PEX7: variants seen among roughly 807,000 people sequenced by gnomAD.
PEX7 encodes the protein PTS2 receptor.
PEX7 carries 34 observed loss-of-function variants against 47.5 expected under a neutral mutation model. The ratio of observed to expected loss-of-function variants is 0.72; its 90% CI spans 0.54 to 0.95. PEX7 has a LOEUF of 0.95. Ranked by LOEUF, PEX7 falls within the 40% of genes least tolerant of loss-of-function variation. The pLI is 0.00. For synonymous variants in PEX7, 141 were observed against 148.8 expected, an observed-to-expected ratio of 0.95 and a Z score of 0.38; for missense variants, 394 against 400.3, an observed-to-expected ratio of 0.98 and a Z score of 0.13.
chr6:136,860,970 A>G (rs1237004864), intron 5 of PEX7, among the ~76,000 whole-genome samples: 2 of 152,112 alleles, frequency 1.3e-5, no homozygotes, highest in Non-Finnish European at 2.9e-5. Flanking sequence ...TACCTTTGTT[A>G]CTGGTTTTTT....
chr6:136,839,040 G>C (rs1439518361), intron 3 of PEX7, among the ~76,000 whole-genome samples: 1 of 151,996 alleles, frequency 6.6e-6, no homozygotes, highest in Non-Finnish European at 1.5e-5. Flanking sequence ...AAATTAGCTG[G>C]TGTTGTGGTG....
intron 5 of PEX7, 86 bp downstream of exon 5, chr6:136,846,267 C>A: frequency 3.0e-6 from 2 of 670,074 alleles, no homozygotes; most frequent in South Asian, 4.0e-5. Context: ...TGTACCTTAG[C>A]TTCAGAGAGA....
At chr6:136,894,375 A>G (rs1775608280) in intron 8 of PEX7, among the ~76,000 whole-genome samples, 1 of 152,154 alleles carries the variant, frequency 6.6e-6, no homozygotes, top group East Asian at 1.9e-4. Context: ...GCAGATCACG[A>G]GGTCAGGAGT....
intron 5 of PEX7, among the ~76,000 whole-genome samples, chr6:136,856,291 T>TAAAAAA (rs397759780): frequency 1.4e-5 from 1 of 70,588 alleles, no homozygotes; most frequent in African/African-American, 4.7e-5. Flanking sequence ...TGGTTGAAAG[T>TAAAAAA]AAAAAAAAAA....
At chr6:136,856,637 G>T (rs1286101330) in intron 5 of PEX7, among the ~76,000 whole-genome samples, 1 of 152,228 alleles carries the variant, frequency 6.6e-6, no homozygotes, top group Non-Finnish European at 1.5e-5. Flanking sequence ...GGGTGAGGGG[G>T]ATACAATATT....
chr6:136,885,221 A>G (rs968554801), intron 8 of PEX7, among the ~76,000 whole-genome samples: 2 of 152,224 alleles, frequency 1.3e-5, no homozygotes, highest in Non-Finnish European at 2.9e-5. Context: ...AAATTCTCAG[A>G]TATCTGAAGA....
chr6:136,886,118 T>A (rs1775464172), intron 8 of PEX7, among the ~76,000 whole-genome samples: 1 of 152,206 alleles, frequency 6.6e-6, no homozygotes, highest in African/African-American at 2.4e-5. Flanking sequence ...AGTGAGGTAA[T>A]TTTATTTTAC....
intron 5 of PEX7, among the ~76,000 whole-genome samples, chr6:136,854,526 C>T (rs1774824318): frequency 1.3e-5 from 2 of 152,056 alleles, no homozygotes; most frequent in Admixed American, 6.6e-5. Context: ...GAGTTTTGTG[C>T]TTATAGTGAA....
intron 5 of PEX7, among the ~76,000 whole-genome samples, chr6:136,863,594 T>A (rs893700231): frequency 7.9e-5 from 12 of 151,944 alleles, no homozygotes; most frequent in Admixed American, 1.3e-4. Context: ...ATAATAGAAA[T>A]TTTTCTCCGA....
intron 8 of PEX7, among the ~76,000 whole-genome samples, chr6:136,887,806 T>C (rs1054053090): frequency 2.6e-5 from 4 of 152,246 alleles, no homozygotes; most frequent in Admixed American, 6.5e-5. Context: ...GTTAATGTTA[T>C]TATTTAATGA....
chr6:136,848,916 A>T (rs1480823082), intron 5 of PEX7, among the ~76,000 whole-genome samples: 1 of 152,164 alleles, frequency 6.6e-6, no homozygotes, highest in Non-Finnish European at 1.5e-5. Flanking sequence ...GAATAGTTTC[A>T]GAAGGAATGG....
intron 5 of PEX7, among the ~76,000 whole-genome samples, chr6:136,864,294 A>G (rs758799481): frequency 7.3e-6 from 1 of 137,818 alleles, no homozygotes; most frequent in Non-Finnish European, 1.6e-5. Context: ...AATAACTTCT[A>G]ATCATGGGTA....
intron 9 of PEX7, 24 bp downstream of exon 9, chr6:136,898,265 T>G: frequency 7.3e-7 from 1 of 1,365,676 alleles, no homozygotes; most frequent in East Asian, 2.3e-5. Flanking sequence ...TCTCATGATA[T>G]TCTCTTCTGC....
At chr6:136,848,575 G>T (rs1452843317) in intron 5 of PEX7, among the ~76,000 whole-genome samples, 1 of 152,148 alleles carries the variant, frequency 6.6e-6, no homozygotes, top group Non-Finnish European at 1.5e-5. Context: ...GTTCAATTTG[G>T]TCAAAGGCCT....
intron 5 of PEX7, among the ~76,000 whole-genome samples, chr6:136,850,457 T>G (rs1226055935): frequency 2.0e-5 from 3 of 152,218 alleles, no homozygotes; most frequent in African/African-American, 7.2e-5. Flanking sequence ...CTAGCCTCGA[T>G]GGGCTTTACA....
intron 3 of PEX7, chr6:136,829,865 A>T (rs1401889025): frequency 4.9e-6 from 3 of 616,294 alleles, no homozygotes; most frequent in African/African-American, 1.9e-5. Flanking sequence ...TGAGCATGGG[A>T]GGTGGAGGTT....
At chr6:136,838,472 T>C (rs141390975) in intron 3 of PEX7, among the ~76,000 whole-genome samples, 1 of 152,334 alleles carries the variant, frequency 6.6e-6, no homozygotes, top group Non-Finnish European at 1.5e-5. Flanking sequence ...TGTCCTAGCT[T>C]AGAGGATACT....
rs573269931 is a variant in PEX7, at chr6:136,846,873, G to A, written c.526+692G>A. On this transcript the variant is annotated intron_variant, in intron 5 of 9. Transcript: ENST00000318471. ...ATATATCCAGTAAATGGAATGGCTG[G>A]GTCAAATGGTATTTCTAGTTCTAGA... Among the ~76,000 whole-genome samples, 29 of 152,254 alleles carry A rather than the reference G, an allele frequency of 1.9e-4. No homozygotes were observed. In the South Asian group the frequency reaches 3.5e-3, roughly 19 times the overall value.
At chr6:136,896,747 TG>T (rs1775658304) in intron 8 of PEX7, among the ~76,000 whole-genome samples, 1 of 152,244 alleles carries the variant, frequency 6.6e-6, no homozygotes, top group South Asian at 2.1e-4. Flanking sequence ...GAGTATTTTT[TG>T]GAACATAGTA....
Sources: allele counts gnomAD v4.1 joint callset (sites outside exome capture counted in the v4.1 genomes callset), GRCh38; gene constraint gnomAD v4.1.1; transcripts MANE v1.5; gene names NCBI Gene and HGNC (gene_info 2026-07-23, HGNC 2026-07-21).